Variants in RPS6KA5 observed in about 807,000 individuals in gnomAD.
RPS6KA5 encodes the protein ribosomal protein S6 kinase A5.
A neutral mutation model predicts 85.5 loss-of-function variants in RPS6KA5; 27 were observed. The ratio of observed to expected loss-of-function variants is 0.32; its 90% CI spans 0.23 to 0.44. RPS6KA5 has a LOEUF of 0.44. Ranked by LOEUF, RPS6KA5 falls within the 20% of genes least tolerant of loss-of-function variation. The pLI is 1.00. For synonymous variants in RPS6KA5, 334 were observed against 348.2 expected (o/e 0.96, Z 0.46); for missense variants, 811 against 980.9 (o/e 0.83, Z 2.31).
At chr14:90,899,514 G>A in intron 11 of RPS6KA5, 92 bp from the exon 12 acceptor site, 2 of 815,050 alleles carry the variant, frequency 2.5e-6, no homozygotes, top group Admixed American at 2.0e-5. Flanking sequence ...TATTTACAGT[G>A]CATTCAGAAT....
chr14:91,001,683 T>C (rs2040803736), intron 1 of RPS6KA5, among the ~76,000 whole-genome samples: 1 of 152,202 alleles, frequency 6.6e-6, no homozygotes, highest in African/African-American at 2.4e-5. Flanking sequence ...AATGAAAGTG[T>C]TGGTCTCAAT....
intron 3 of RPS6KA5, among the ~76,000 whole-genome samples, chr14:90,954,268 T>A (rs1440169819): frequency 1.3e-5 from 2 of 152,232 alleles, no homozygotes; most frequent in Non-Finnish European, 2.9e-5. Context: ...ACTGGCCTCA[T>A]AAGATAAGTT....
intron 1 of RPS6KA5, 180 bp downstream of exon 1, chr14:91,060,152 A>G: frequency 1.0e-6 from 1 of 982,768 alleles, no homozygotes; most frequent in Non-Finnish European, 1.2e-6. Context: ...GCCTCCCCCA[A>G]GGCGCGCCCC....
At chr14:91,044,602 G>A (rs141294697) in intron 1 of RPS6KA5, among the ~76,000 whole-genome samples, 1,822 of 151,848 alleles carry the variant, frequency 0.012, 19 homozygotes, top group South Asian at 0.033. Flanking sequence ...GGCTGGGTGC[G>A]GTGGCTCACG....
intron 1 of RPS6KA5, among the ~76,000 whole-genome samples, chr14:91,035,847 C>CAAAAAAAAAAAAAAAAAAAAAAAAAA (rs199625173): frequency 1.4e-5 from 1 of 69,900 alleles, no homozygotes; most frequent in Non-Finnish European, 2.5e-5. Context: ...CCCTCACCTT[C>CAAAAAAAAAAAAAAAAAAAAAAAAAA]AAAAAAAAAA....
rs2032401303 is a variant in RPS6KA5 at position 90,858,758 on chromosome 14, T to C, written c.*13316A>G. 1 of 152,224 alleles carries C rather than the reference T, an allele frequency of 6.6e-6. No homozygotes were observed. The highest frequency in any genetic ancestry group is 1.5e-5 in the Non-Finnish European group (1 of 68,036). 9.4% of individuals were successfully genotyped at this position (152,224 alleles called of 1,614,324 possible). Reference sequence around the variant, plus strand: ...CACTTTGGTGAGCTCTGTGTTCATTTTGATTACTTCTTCAAGGCACTGCAA... The same window carrying C: ...CACTTTGGTGAGCTCTGTGTTCATTCTGATTACTTCTTCAAGGCACTGCAA... On this transcript the variant is annotated 3_prime_UTR_variant, in exon 17 of 17. Transcript: ENST00000614987.
At position 90,871,663 on chromosome 14, in the gene RPS6KA5, ATTGT is replaced by A. The variant is rs1277532674; in HGVS notation, c.*407_*410del. 6.5e-6 allele frequency: 1 copy of A among 154,926 alleles called. No homozygotes were observed. Among genetic ancestry groups the A allele is most frequent in the Non-Finnish European group, 1.4e-5 (1 of 69,906 alleles). 9.6% of individuals were successfully genotyped at this position (154,926 alleles called of 1,614,324 possible). ...AACAGACCCCTTTCTCTGATAAATC[ATTGT>A]TTGAAGGGTGCAAATTTCAAAAACC... On this transcript the variant is annotated 3_prime_UTR_variant, in exon 17 of 17. Coordinates refer to ENST00000614987, the MANE Select transcript of RPS6KA5 (RefSeq NM_004755.4).
intron 1 of RPS6KA5, among the ~76,000 whole-genome samples, chr14:91,026,477 C>T (rs1348254486): frequency 6.6e-6 from 1 of 152,140 alleles, no homozygotes; most frequent in Non-Finnish European, 1.5e-5. Context: ...GCAATCCTTC[C>T]TCTTTAGCCT....
intron 3 of RPS6KA5, among the ~76,000 whole-genome samples, chr14:90,951,062 T>G (rs535037497): frequency 6.8e-6 from 1 of 147,068 alleles, no homozygotes; most frequent in South Asian, 2.2e-4. Flanking sequence ...GAGGTTGCAG[T>G]TGGCCAAGAT....
intron 14 of RPS6KA5, among the ~76,000 whole-genome samples, chr14:90,885,741 C>CAAAAAAAAAAAAAAAAAAAAAAAAAAA (rs11312699): frequency 3.6e-5 from 1 of 27,874 alleles, no homozygotes; most frequent in Non-Finnish European, 5.6e-5. Context: ...GACTCCATCT[C>CAAAAAAAAAAAAAAAAAAAAAAAAAAA]AAAAAAAAAA....
intron 1 of RPS6KA5, among the ~76,000 whole-genome samples, chr14:91,036,076 C>T (rs1180464133): frequency 7.0e-6 from 1 of 141,860 alleles, no homozygotes; most frequent in East Asian, 2.1e-4. Context: ...AAAGAGTACA[C>T]AGACATTTTC....
chr14:90,926,159 C>G (rs1399421029), intron 5 of RPS6KA5, among the ~76,000 whole-genome samples: 1 of 151,926 alleles, frequency 6.6e-6, no homozygotes, highest in Non-Finnish European at 1.5e-5. Flanking sequence ...AATCCCAGCA[C>G]TCTGGGAGGC....
intron 2 of RPS6KA5, among the ~76,000 whole-genome samples, chr14:90,980,074 T>C (rs1159076125): frequency 6.6e-6 from 1 of 152,214 alleles, no homozygotes; most frequent in Non-Finnish European, 1.5e-5. Context: ...TAATTATAGG[T>C]TGAGACCTCA....
At chr14:90,935,819 T>C (rs1278729798) in intron 5 of RPS6KA5, among the ~76,000 whole-genome samples, 2 of 152,204 alleles carry the variant, frequency 1.3e-5, no homozygotes, top group Non-Finnish European at 2.9e-5. Flanking sequence ...GTTTTGAAAA[T>C]TTTCAAGCAC....
chr14:91,050,681 A>G (rs955134991), intron 1 of RPS6KA5, among the ~76,000 whole-genome samples: 16 of 152,278 alleles, frequency 1.1e-4, no homozygotes, highest in African/African-American at 3.6e-4. Flanking sequence ...CACCCGCCTC[A>G]GCCTCCCAAA....
Position 90,917,807 on chromosome 14 carries a change from C to G in RPS6KA5, c.806+2399G>C, listed in dbSNP as rs186131416. Among the ~76,000 whole-genome samples the G allele has an allele frequency of 1.9e-4, 29 of 152,286 alleles. No homozygotes were observed. The East Asian group carries it at 4.4e-3, about 23-fold the overall frequency. ...AAACTCCTGGGCTCAAGCAATCCCCCCACCTCACCCTCCTCAGCAACTGTG... is the reference window on the plus strand; with the variant it reads ...AAACTCCTGGGCTCAAGCAATCCCCGCACCTCACCCTCCTCAGCAACTGTG... On this transcript the variant is annotated intron_variant, in intron 7 of 16. Coordinates refer to ENST00000614987, the MANE Select transcript of RPS6KA5 (RefSeq NM_004755.4).
chr14:90,958,317 T>C (rs1446316724), intron 3 of RPS6KA5, among the ~76,000 whole-genome samples: 1 of 152,212 alleles, frequency 6.6e-6, no homozygotes, highest in Non-Finnish European at 1.5e-5. Context: ...TGACATTTTT[T>C]AAATATTGCG....
At chr14:90,903,648 G>A (rs2035317685) in intron 8 of RPS6KA5, among the ~76,000 whole-genome samples, 1 of 152,106 alleles carries the variant, frequency 6.6e-6, no homozygotes, top group South Asian at 2.1e-4. Flanking sequence ...TTATATTACT[G>A]AAATCCAACC....
intron 10 of RPS6KA5, 57 bp from the exon 11 acceptor site, chr14:90,900,298 C>A: frequency 7.8e-7 from 1 of 1,284,146 alleles, no homozygotes; most frequent in Non-Finnish European, 1.0e-6. Context: ...CACAAAGGAT[C>A]AATAAAATTG....
Sources: gnomAD v4.1 joint callset for allele counts (sites outside exome capture counted in the v4.1 genomes callset) on GRCh38, gnomAD v4.1.1 for gene constraint, MANE v1.5 for transcripts, NCBI Gene and HGNC (gene_info 2026-07-23, HGNC 2026-07-21) for gene names.